REC114: variants seen among roughly 807,000 people sequenced by gnomAD.
REC114 encodes meiotic recombination protein REC114.
Under a neutral mutation model 31.3 loss-of-function variants are expected in REC114, and 27 were observed. The observed-to-expected ratio is 0.86, with a 90% CI of 0.64 to 1.19. The LOEUF is 1.19. REC114 is among the 50% of genes most tolerant of loss of function. REC114 has a pLI of 0.00. For synonymous variants in REC114, 134 were observed against 127.7 expected, an observed-to-expected ratio of 1.05 and a Z score of -0.33; for missense variants, 344 against 326.9, an observed-to-expected ratio of 1.05 and a Z score of -0.40.
chr15:73,459,993 T>C (rs935407700), intron 1 of REC114, among the ~76,000 whole-genome samples: 1 of 152,238 alleles, frequency 6.6e-6, no homozygotes, highest in African/African-American at 2.4e-5. Flanking sequence ...AATTGAATTA[T>C]GTCATGTACA....
At chr15:73,465,346 A>G (rs1893042892) in intron 1 of REC114, among the ~76,000 whole-genome samples, 1 of 152,238 alleles carries the variant, frequency 6.6e-6, no homozygotes, top group African/African-American at 2.4e-5. Flanking sequence ...TGAGCACATT[A>G]TGTAGACCTT....
At chr15:73,515,712 T>C (rs2141317369) in intron 2 of REC114, among the ~76,000 whole-genome samples, 1 of 152,278 alleles carries the variant, frequency 6.6e-6, no homozygotes, top group East Asian at 1.9e-4. Flanking sequence ...AGAAGGCAGC[T>C]GTCTACAAGC....
chr15:73,443,886 T>G (rs1892731302), intron 1 of REC114, among the ~76,000 whole-genome samples: 1 of 152,194 alleles, frequency 6.6e-6, no homozygotes, highest in Non-Finnish European at 1.5e-5. Context: ...GAGATAATAA[T>G]ATAATAGTAC....
chr15:73,482,894 A>ATT (rs199807391), intron 2 of REC114, among the ~76,000 whole-genome samples: 148 of 139,748 alleles, frequency 1.1e-3, no homozygotes, highest in African/African-American at 3.7e-3. Context: ...TCTATTTTTG[A>ATT]TTTTTTTTTT....
intron 2 of REC114, among the ~76,000 whole-genome samples, chr15:73,494,600 C>G (rs1022531153): frequency 6.6e-6 from 1 of 151,534 alleles, no homozygotes; most frequent in East Asian, 1.9e-4. Context: ...AGAAATGTAC[C>G]TTTTCTCACC....
intron 2 of REC114, among the ~76,000 whole-genome samples, chr15:73,509,520 C>T (rs1014216526): frequency 1.2e-3 from 188 of 150,458 alleles, no homozygotes; most frequent in African/African-American, 4.4e-3. Flanking sequence ...CTTGCCCATG[C>T]CTATGTCCTG....
At chr15:73,501,436 T>G (rs534110400) in intron 2 of REC114, among the ~76,000 whole-genome samples, 36 of 152,220 alleles carry the variant, frequency 2.4e-4, no homozygotes, top group East Asian at 1.2e-3. Context: ...TCCAGTTTTA[T>G]CAGCAGCAGC....
At chr15:73,447,799 A>G (rs1892788373) in intron 1 of REC114, among the ~76,000 whole-genome samples, 1 of 152,158 alleles carries the variant, frequency 6.6e-6, no homozygotes, top group Non-Finnish European at 1.5e-5. Context: ...TACCTGGTTC[A>G]TCTCATTGGG....
intron 3 of REC114, among the ~76,000 whole-genome samples, chr15:73,548,339 C>T (rs541369833): frequency 1.4e-4 from 22 of 152,332 alleles, no homozygotes; most frequent in African/African-American, 5.3e-4. Flanking sequence ...GATCTCTTGA[C>T]CTTGTGATCC....
At chr15:73,527,942 A>G (rs2141323173) in intron 2 of REC114, among the ~76,000 whole-genome samples, 1 of 152,348 alleles carries the variant, frequency 6.6e-6, no homozygotes, top group Non-Finnish European at 1.5e-5. Flanking sequence ...GCTATATCAA[A>G]AGGACAGGGC....
chr15:73,459,676 T>C (rs1892964465), intron 1 of REC114, among the ~76,000 whole-genome samples: 1 of 152,228 alleles, frequency 6.6e-6, no homozygotes, highest in South Asian at 2.1e-4. Flanking sequence ...AAGTTAAGTT[T>C]TTTATATGAC....
intron 2 of REC114, among the ~76,000 whole-genome samples, chr15:73,530,112 G>A (rs930627983): frequency 2.0e-5 from 3 of 152,146 alleles, no homozygotes; most frequent in Middle Eastern, 3.4e-3. Context: ...TTATAGAATG[G>A]GCATCTTAGT....
chr15:73,485,538 A>T (rs1893353652), intron 2 of REC114, among the ~76,000 whole-genome samples: 1 of 152,182 alleles, frequency 6.6e-6, no homozygotes, highest in Non-Finnish European at 1.5e-5. Flanking sequence ...TAAATGGCTT[A>T]GTACTAACCT....
chr15:73,479,633 T>G (rs538963487), intron 2 of REC114, among the ~76,000 whole-genome samples: 16 of 152,268 alleles, frequency 1.1e-4, no homozygotes, highest in African/African-American at 3.1e-4. Context: ...ATTCTCTGCT[T>G]CTATGAATTT....
rs562724046 is a variant in REC114 at position 73,445,476 on chromosome 15, A to G, written c.159+2132A>G. On this transcript the variant is annotated intron_variant, in intron 1 of 5. Transcript: ENST00000331090. Reference sequence around the variant, plus strand: ...TTTCCTTTAAGAACTTTTCCTTTGCATTTACAACCTGGCTAACTGGCATAA... The same window carrying G: ...TTTCCTTTAAGAACTTTTCCTTTGCGTTTACAACCTGGCTAACTGGCATAA... Among the ~76,000 whole-genome samples, 4 of 152,224 alleles carry G rather than the reference A, an allele frequency of 2.6e-5. No homozygotes were observed. In the South Asian group the frequency reaches 6.2e-4, roughly 24 times the overall value.
intron 2 of REC114, among the ~76,000 whole-genome samples, chr15:73,492,554 T>C (rs1241073394): frequency 6.6e-6 from 1 of 152,184 alleles, no homozygotes; most frequent in African/African-American, 2.4e-5. Flanking sequence ...TTAACATGCA[T>C]ATGAATTATC....
At chr15:73,451,056 T>C (rs1458734332) in intron 1 of REC114, among the ~76,000 whole-genome samples, 3 of 152,136 alleles carry the variant, frequency 2.0e-5, no homozygotes, top group African/African-American at 7.2e-5. Flanking sequence ...GTTGGCACCC[T>C]AACATCACAA....
At chr15:73,449,802 G>A (rs1892818599) in intron 1 of REC114, among the ~76,000 whole-genome samples, 2 of 152,088 alleles carry the variant, frequency 1.3e-5, no homozygotes, top group African/African-American at 2.4e-5. Flanking sequence ...CAGATCTTTC[G>A]GCAGAACCCC....
chr15:73,482,599 T>A (rs1341541761), intron 2 of REC114, among the ~76,000 whole-genome samples: 1 of 152,230 alleles, frequency 6.6e-6, no homozygotes, highest in Non-Finnish European at 1.5e-5. Context: ...TCATACAGTA[T>A]TTGTCATTTT....
Sources: allele counts gnomAD v4.1 joint callset (sites outside exome capture counted in the v4.1 genomes callset), GRCh38; gene constraint gnomAD v4.1.1; transcripts MANE v1.5; gene names NCBI Gene and HGNC (gene_info 2026-07-23, HGNC 2026-07-21).